The following BRAF variants were observed in gnomAD, a reference collection of about 807,000 sequenced individuals.
The protein encoded by BRAF is B-Raf proto-oncogene, serine/threonine kinase.
A neutral mutation model predicts 104.6 loss-of-function variants in BRAF; 16 were observed. The observed-to-expected ratio is 0.15, with a 90% CI of 0.10 to 0.23. The LOEUF is 0.23. BRAF is among the 10% of genes least tolerant of loss of function. The pLI, the probability that BRAF is intolerant of heterozygous loss-of-function variation, is 1.00. For synonymous variants in BRAF, 310 were observed against 341.6 expected, an observed-to-expected ratio of 0.91 and a Z score of 1.02; for missense variants, 541 against 937.3, an observed-to-expected ratio of 0.58 and a Z score of 5.52.
intron 1 of BRAF, among the ~76,000 whole-genome samples, chr7:140,904,433 T>G (rs1816058024): frequency 6.6e-6 from 1 of 152,148 alleles, no homozygotes. Flanking sequence ...GGTAGGTATT[T>G]CTTTTTTGGG....
chr7:140,781,335 CTGGAGGA>C (rs1800851804), intron 12 of BRAF: 3 of 520,854 alleles, frequency 5.8e-6, no homozygotes, highest in African/African-American at 5.7e-5. Flanking sequence ...ACTAGTTAAC[CTGGAGGA>C]ATTCCCCTTT....
intron 3 of BRAF, among the ~76,000 whole-genome samples, chr7:140,826,074 CTCTT>C (rs2129057044): frequency 6.6e-6 from 1 of 152,238 alleles, no homozygotes; most frequent in East Asian, 1.9e-4. Context: ...TTCTATAACT[CTCTT>C]TCTTCACTTT....
At chr7:140,818,116 T>A (rs984840985) in intron 3 of BRAF, among the ~76,000 whole-genome samples, 3 of 152,026 alleles carry the variant, frequency 2.0e-5, no homozygotes, top group Non-Finnish European at 4.4e-5. Flanking sequence ...CTCACATTTA[T>A]CATAGTGACT....
At position 140,850,098 on chromosome 7, in the gene BRAF, C is replaced by A. The variant is rs1562994431; in HGVS notation, c.240+13G>T. 6.4e-7 allele frequency: 1 copy of A among 1,566,352 alleles called. No individual in the cohort carries two copies. The highest frequency in any genetic ancestry group is 8.8e-7 in the Non-Finnish European group (1 of 1,139,620). On this transcript the variant is annotated intron_variant, in intron 2 of 19. Coordinates refer to ENST00000644969, the MANE Select transcript of BRAF (RefSeq NM_001374258.1). ...CTTTTCAAAATTACTAGATATGATA[C>A]TCAAAAGCTTACCTCCAGATATATT...
chr7:140,850,583 A>G (rs1809056342), intron 1 of BRAF, among the ~76,000 whole-genome samples: 1 of 152,190 alleles, frequency 6.6e-6, no homozygotes, highest in African/African-American at 2.4e-5. Context: ...TAAGACATAC[A>G]TATATGAAAT....
chr7:140,738,379 GAGTT>G (rs1796617254), intron 18 of BRAF, among the ~76,000 whole-genome samples: 1 of 152,124 alleles, frequency 6.6e-6, no homozygotes, highest in Admixed American at 6.5e-5. Context: ...ACTTCTGTCT[GAGTT>G]ACTCAGCTAG....
At chr7:140,882,518 C>T (rs970900753) in intron 1 of BRAF, among the ~76,000 whole-genome samples, 2 of 151,910 alleles carry the variant, frequency 1.3e-5, no homozygotes, top group Admixed American at 1.3e-4. Flanking sequence ...GCTGGGACTA[C>T]AGGCGCACGC....
downstream of BRAF, among the ~76,000 whole-genome samples, chr7:140,716,209 A>C (rs1189216495): frequency 1.3e-5 from 2 of 152,212 alleles, no homozygotes; most frequent in Non-Finnish European, 2.9e-5. Flanking sequence ...TGACATTTGA[A>C]AAGCTGGTGT....
In BRAF at chr7:140,724,127, G is replaced by A. The variant is rs1795464047; in HGVS notation, c.*2367C>T. On this transcript the variant is annotated 3_prime_UTR_variant, in exon 20 of 20. Transcript: ENST00000644969. ...GATACCAGCCTATTCTAAAATGCAA[G>A]GGAAGAAAAAGTGTATCACCCTGAA... is the stretch of plus-strand genomic sequence containing the variant. 2.3e-5 allele frequency: 24 copies of A among 1,053,018 alleles called. No individual in the cohort carries two copies. Among genetic ancestry groups the A allele is most frequent in the Non-Finnish European group, 2.6e-5 (23 of 871,632 alleles). The allele number at this position is 1,053,018 out of a possible 1,614,324, so 65.2% of individuals were successfully genotyped here. A position where few individuals can be genotyped will look rare whatever the true frequency, so the allele number is the denominator to read the frequency against.
intron 1 of BRAF, among the ~76,000 whole-genome samples, chr7:140,850,972 G>A (rs144850867): frequency 1.2e-3 from 178 of 152,180 alleles, no homozygotes; most frequent in Non-Finnish European, 1.8e-3. Context: ...ATTCTGAGAC[G>A]TATAAATTCC....
chr7:140,917,642 G>A (rs1009978995), intron 1 of BRAF, among the ~76,000 whole-genome samples: 2 of 152,242 alleles, frequency 1.3e-5, no homozygotes, highest in Non-Finnish European at 2.9e-5. Flanking sequence ...AAGCAATTAT[G>A]AACTTTCTAT....
intron 3 of BRAF, among the ~76,000 whole-genome samples, chr7:140,830,581 T>C (rs1806615992): frequency 6.6e-6 from 1 of 152,150 alleles, no homozygotes; most frequent in South Asian, 2.1e-4. Flanking sequence ...TTTTGGTGGG[T>C]TCCTGAATGG....
the BRAF span, among the ~76,000 whole-genome samples, chr7:140,713,963 C>G: frequency 1.3e-5 from 2 of 152,164 alleles, no homozygotes; most frequent in African/African-American, 4.8e-5. Flanking sequence ...GATCGTTCTT[C>G]TGAAAGTTTT....
intron 7 of BRAF, among the ~76,000 whole-genome samples, chr7:140,798,093 A>G (rs1802673178): frequency 6.6e-6 from 1 of 152,180 alleles, no homozygotes. Flanking sequence ...TAAAAATTAC[A>G]AAGTTGTACT....
chr7:140,916,169 G>C (rs1586648231), intron 1 of BRAF, among the ~76,000 whole-genome samples: 1 of 152,218 alleles, frequency 6.6e-6, no homozygotes, highest in Non-Finnish European at 1.5e-5. Context: ...TGTGTTTCCT[G>C]TTATTTTGTT....
intron 1 of BRAF, among the ~76,000 whole-genome samples, chr7:140,907,910 A>C (rs1233460175): frequency 6.6e-6 from 1 of 152,012 alleles, no homozygotes; most frequent in Non-Finnish European, 1.5e-5. Flanking sequence ...ACACGTGGCT[A>C]ATCTTTGTAT....
At chr7:140,754,543 C>T (rs1798046276) in intron 14 of BRAF, among the ~76,000 whole-genome samples, 1 of 152,080 alleles carries the variant, frequency 6.6e-6, no homozygotes, top group Non-Finnish European at 1.5e-5. Flanking sequence ...CTTAAATATA[C>T]CTTGATATTT....
chr7:140,800,282 A>T lies in BRAF; in HGVS notation c.980+80T>A. The T allele has an allele frequency of 4.4e-6, 7 of 1,600,748 alleles. No individual in the cohort carries two copies. The South Asian group carries it at 7.7e-5, about 18-fold the overall frequency. On this transcript the variant is annotated intron_variant, in intron 7 of 19. Coordinates refer to ENST00000644969, the MANE Select transcript of BRAF (RefSeq NM_001374258.1). ...CTTAATTTAACAATTTAAACATTGG[A>T]AAGGTTTCTAATTAACCAGGAGATC...
intron 3 of BRAF, chr7:140,823,830 CTTT>C (rs1312734213): frequency 6.6e-6 from 1 of 152,184 alleles, no homozygotes; most frequent in Non-Finnish European, 1.5e-5. Flanking sequence ...TTGTTATCTT[CTTT>C]TTTGTCTGAT....
Sources: allele counts gnomAD v4.1 joint callset (sites outside exome capture counted in the v4.1 genomes callset), GRCh38; gene constraint gnomAD v4.1.1; transcripts MANE v1.5; gene names NCBI Gene and HGNC (gene_info 2026-07-23, HGNC 2026-07-21).